The following KCNMB2 variants were observed in gnomAD, a reference collection of about 807,000 sequenced individuals.
The protein encoded by KCNMB2 is calcium-activated potassium channel subunit beta-2.
KCNMB2 carries 9 observed loss-of-function variants against 24.5 expected under a neutral mutation model. The observed-to-expected ratio is 0.37, with a 90% CI of 0.22 to 0.64. KCNMB2 has a LOEUF of 0.64. Ranked by LOEUF, KCNMB2 falls within the 30% of genes least tolerant of loss-of-function variation. KCNMB2 has a pLI of 0.63. For synonymous variants in KCNMB2, 109 were observed against 104.4 expected, an observed-to-expected ratio of 1.04 and a Z score of -0.27; for missense variants, 226 against 284.3, an observed-to-expected ratio of 0.79 and a Z score of 1.47.
chr3:178,788,102 G>C (rs1023943044), intron 1 of KCNMB2, among the ~76,000 whole-genome samples: 11 of 152,040 alleles, frequency 7.2e-5, no homozygotes, highest in Non-Finnish European at 1.3e-4. Flanking sequence ...ATAGAAACAA[G>C]AGTTAAACCA....
In KCNMB2 at chr3:178,634,546, G is replaced by A. The variant is rs140692195; in HGVS notation, c.-68+97835G>A. Among the ~76,000 whole-genome samples the A allele has an allele frequency of 5.0e-3, 754 of 152,174 alleles. 6 individuals carry two copies. Among genetic ancestry groups the A allele is most frequent in the African/African-American group, 0.018 (728 of 41,496 alleles). On this transcript the variant is annotated intron_variant, in intron 1 of 4. Coordinates refer to ENST00000452583, the MANE Select transcript of KCNMB2 (RefSeq NM_181361.3). ...TGACTCACTATCATGAGAACAGCAT[G>A]GAGGTAACCACCTCCATGATTCAAT...
chr3:178,618,586 G>A (rs1417841063), intron 1 of KCNMB2, among the ~76,000 whole-genome samples: 4 of 152,200 alleles, frequency 2.6e-5, no homozygotes, highest in Non-Finnish European at 4.4e-5. Flanking sequence ...AAGAGAGGAG[G>A]TAAAGGGAAG....
intron 1 of KCNMB2, among the ~76,000 whole-genome samples, chr3:178,660,776 T>C (rs1720497703): frequency 6.6e-6 from 1 of 152,074 alleles, no homozygotes; most frequent in African/African-American, 2.4e-5. Flanking sequence ...CTTCAAATCC[T>C]GCACACTTGT....
intron 1 of KCNMB2, among the ~76,000 whole-genome samples, chr3:178,765,819 G>C (rs898926031): frequency 6.6e-6 from 1 of 151,978 alleles, no homozygotes; most frequent in South Asian, 2.1e-4. Flanking sequence ...CCTGTTCATC[G>C]AGCCCTCAAT....
intron 1 of KCNMB2, among the ~76,000 whole-genome samples, chr3:178,778,468 A>ACT: frequency 1.5e-5 from 1 of 65,080 alleles, no homozygotes; most frequent in Non-Finnish European, 3.6e-5. Flanking sequence ...ACACACACAC[A>ACT]CACACACACA....
At chr3:178,787,510 A>T (rs1442891119) in intron 1 of KCNMB2, among the ~76,000 whole-genome samples, 1 of 152,208 alleles carries the variant, frequency 6.6e-6, no homozygotes, top group African/African-American at 2.4e-5. Flanking sequence ...ACGGAAGAAA[A>T]GACAAATGTA....
rs547821714 is a variant in KCNMB2, at chr3:178,779,572, A to G, written c.-67-27771A>G. On this transcript the variant is annotated intron_variant, in intron 1 of 4. Coordinates refer to ENST00000452583, the MANE Select transcript of KCNMB2 (RefSeq NM_181361.3). ...ATTCTTTCTCCATTTTATCTTTGCAATTTATTTCTCTAAGGCTCCACTTTG... is the reference window on the plus strand; with the variant it reads ...ATTCTTTCTCCATTTTATCTTTGCAGTTTATTTCTCTAAGGCTCCACTTTG... Among the ~76,000 whole-genome samples, 4 of 152,242 alleles carry G rather than the reference A, an allele frequency of 2.6e-5. No individual in the cohort carries two copies. In the East Asian group the frequency reaches 5.8e-4, roughly 22 times the overall value.
intron 1 of KCNMB2, among the ~76,000 whole-genome samples, chr3:178,760,618 C>A (rs899205603): frequency 6.7e-6 from 1 of 150,116 alleles, no homozygotes; most frequent in Non-Finnish European, 1.5e-5. Flanking sequence ...ACCTATCAAT[C>A]TTAGCTAAAT....
chr3:178,835,154 T>C (rs966955337), intron 4 of KCNMB2, among the ~76,000 whole-genome samples: 1 of 151,576 alleles, frequency 6.6e-6, no homozygotes, highest in African/African-American at 2.4e-5. Context: ...AGAAGTGCCA[T>C]AATAGATATG....
intron 4 of KCNMB2, among the ~76,000 whole-genome samples, chr3:178,841,785 ACAATT>A: frequency 6.6e-6 from 1 of 152,190 alleles, no homozygotes; most frequent in Non-Finnish European, 1.5e-5. Context: ...ACATGGTATT[ACAATT>A]CAAGTGAGAT....
intron 1 of KCNMB2, among the ~76,000 whole-genome samples, chr3:178,656,601 C>T (rs938381857): frequency 1.3e-5 from 2 of 151,936 alleles, no homozygotes; most frequent in African/African-American, 4.8e-5. Context: ...GGTGAAACCC[C>T]GTCTCTACTG....
At chr3:178,732,094 G>A (rs761256881) in intron 1 of KCNMB2, among the ~76,000 whole-genome samples, 7 of 152,102 alleles carry the variant, frequency 4.6e-5, no homozygotes, top group African/African-American at 7.2e-5. Context: ...GAGAGAGGTC[G>A]AGAGAAAATG....
rs1715465748 is a variant in KCNMB2 at position 178,842,644 on chromosome 3, T to G, written c.424-9T>G. On this transcript the variant is annotated splice_polypyrimidine_tract_variant and intron_variant, in intron 4 of 4. Transcript: ENST00000452583. ...ATCTTCTAGTAACAGTTTATCTTAT[T>G]CTCCACAGTGCTCCTATATACCTAA... is the stretch of plus-strand genomic sequence containing the variant. 6.4e-7 allele frequency: 1 copy of G among 1,573,864 alleles called. No individual in the cohort carries two copies. The highest frequency in any genetic ancestry group is 8.7e-7 in the Non-Finnish European group (1 of 1,147,204).
At chr3:178,676,129 T>C (rs1721062841) in intron 1 of KCNMB2, among the ~76,000 whole-genome samples, 1 of 151,648 alleles carries the variant, frequency 6.6e-6, no homozygotes, top group Admixed American at 6.6e-5. Flanking sequence ...GAAGCTAGGG[T>C]TTAGAGAAAG....
chr3:178,694,387 G>A (rs1225623889), intron 1 of KCNMB2, among the ~76,000 whole-genome samples: 1 of 152,144 alleles, frequency 6.6e-6, no homozygotes, highest in Non-Finnish European at 1.5e-5. Flanking sequence ...CAATTCTCCT[G>A]TCCTTATAAT....
intron 1 of KCNMB2, among the ~76,000 whole-genome samples, chr3:178,752,429 A>G (rs1723881622): frequency 6.6e-6 from 1 of 152,214 alleles, no homozygotes; most frequent in Non-Finnish European, 1.5e-5. Context: ...TGGTTATAGT[A>G]TATACAATTA....
At chr3:178,797,509 T>C (rs1713597397) in intron 1 of KCNMB2, among the ~76,000 whole-genome samples, 2 of 152,094 alleles carry the variant, frequency 1.3e-5, no homozygotes, top group Admixed American at 6.6e-5. Flanking sequence ...CAACAACACA[T>C]TAAAAAGATA....
At chr3:178,584,784 T>C (rs1560119075) in intron 1 of KCNMB2, among the ~76,000 whole-genome samples, 2 of 152,148 alleles carry the variant, frequency 1.3e-5, no homozygotes, top group African/African-American at 2.4e-5. Context: ...ATTTCTACTA[T>C]ATTAATATTA....
At chr3:178,781,721 T>G (rs1712851399) in intron 1 of KCNMB2, among the ~76,000 whole-genome samples, 1 of 151,710 alleles carries the variant, frequency 6.6e-6, no homozygotes, top group African/African-American at 2.4e-5. Context: ...CACCTCTAGT[T>G]TTCTGGCCTA....
Sources: gnomAD v4.1 joint callset for allele counts (sites outside exome capture counted in the v4.1 genomes callset) on GRCh38, gnomAD v4.1.1 for gene constraint, MANE v1.5 for transcripts, NCBI Gene and HGNC (gene_info 2026-07-23, HGNC 2026-07-21) for gene names.